RBFOX1: variants seen among roughly 807,000 people sequenced by gnomAD.
RBFOX1 encodes RNA binding fox-1 homolog 1, also known as RNA binding protein fox-1 homolog 1.
Under a neutral mutation model 57.7 loss-of-function variants are expected in RBFOX1, and 8 were observed. That is an observed-to-expected ratio of 0.14 (90% CI 0.08 to 0.25). The LOEUF is 0.25. RBFOX1 is among the 10% of genes least tolerant of loss of function. The pLI is 1.00. For missense variants in RBFOX1, 611 were observed against 548.5 expected (o/e 1.11, Z -1.14); for synonymous variants, 326 against 222.4 (o/e 1.47, Z -4.15).
chr16:6,992,242 C>A (rs945232578), intron 3 of RBFOX1, among the ~76,000 whole-genome samples: 1 of 151,596 alleles, frequency 6.6e-6, no homozygotes, highest in African/African-American at 2.4e-5. Context: ...CGGCTTACTG[C>A]AGCCTCTGCC....
At chr16:5,695,105 C>T (rs532018477) in intron 3 of RBFOX1, among the ~76,000 whole-genome samples, 1 of 152,148 alleles carries the variant, frequency 6.6e-6, no homozygotes, top group East Asian at 1.9e-4. Context: ...GTGTAAATGT[C>T]ACCTGTAGTC....
chr16:5,813,122 C>T (rs928845924), intron 3 of RBFOX1, among the ~76,000 whole-genome samples: 9 of 151,972 alleles, frequency 5.9e-5, no homozygotes, highest in African/African-American at 1.9e-4. Context: ...ATTCTCCTGC[C>T]TCAGCCTCCC....
chr16:5,856,195 A>ATATATATATATATATATACATATATATG (rs2057035426), intron 3 of RBFOX1, among the ~76,000 whole-genome samples: 2 of 60,248 alleles, frequency 3.3e-5, no homozygotes, highest in African/African-American at 1.1e-4. Context: ...CTCTATATAT[A>ATATATATATATATATATACATATATATG]TATATATATA....
intron 2 of RBFOX1, among the ~76,000 whole-genome samples, chr16:6,613,644 C>G (rs757642990): frequency 7.9e-5 from 12 of 152,108 alleles, no homozygotes; most frequent in Non-Finnish European, 1.6e-4. Context: ...GAATAAGCAA[C>G]TTGTAGAGTA....
At chr16:5,834,498 C>G (rs2056385559) in intron 3 of RBFOX1, among the ~76,000 whole-genome samples, 2 of 152,108 alleles carry the variant, frequency 1.3e-5, no homozygotes, top group African/African-American at 4.8e-5. Flanking sequence ...TTTATCCACT[C>G]ATCTGTTGAT....
chr16:7,014,218 T>C (rs1597031477), intron 3 of RBFOX1, among the ~76,000 whole-genome samples: 1 of 151,662 alleles, frequency 6.6e-6, no homozygotes, highest in East Asian at 2.0e-4. Flanking sequence ...CTGAAGGTTT[T>C]GTTTGTTTTT....
At chr16:5,613,478 T>G (rs1288818790) in intron 3 of RBFOX1, among the ~76,000 whole-genome samples, 3 of 152,152 alleles carry the variant, frequency 2.0e-5, no homozygotes, top group Non-Finnish European at 4.4e-5. Context: ...TGATTATGGC[T>G]CCCAGAAGCT....
intron 3 of RBFOX1, among the ~76,000 whole-genome samples, chr16:5,756,276 A>T (rs565556330): frequency 6.7e-6 from 1 of 148,588 alleles, no homozygotes; most frequent in Non-Finnish European, 1.5e-5. Flanking sequence ...CAGTGTATGG[A>T]CATATGAAAT....
chr16:7,561,316 C>T (rs2090301917), intron 5 of RBFOX1, among the ~76,000 whole-genome samples: 1 of 152,212 alleles, frequency 6.6e-6, no homozygotes, highest in African/African-American at 2.4e-5. Flanking sequence ...CAACTATTCA[C>T]TCTATGGCCC....
At chr16:5,723,418 G>C (rs1242455850) in intron 3 of RBFOX1, among the ~76,000 whole-genome samples, 1 of 86,790 alleles carries the variant, frequency 1.2e-5, no homozygotes, top group Non-Finnish European at 2.5e-5. Context: ...TGGGCTGGAT[G>C]GTGTCTGAGG....
chr16:7,453,567 T>G (rs1203966019), intron 4 of RBFOX1, among the ~76,000 whole-genome samples: 1 of 152,156 alleles, frequency 6.6e-6, no homozygotes, highest in African/African-American at 2.4e-5. Flanking sequence ...AGCCAGGAGC[T>G]CTGAGAAAAC....
chr16:6,539,134 AAG>A (rs1567605804), intron 2 of RBFOX1, among the ~76,000 whole-genome samples: 2 of 151,870 alleles, frequency 1.3e-5, no homozygotes, highest in East Asian at 1.9e-4. Flanking sequence ...GAAAAAAAAA[AAG>A]AAAATTTGCC....
At chr16:5,975,979 G>A (rs1269130347) in intron 4 of RBFOX1, among the ~76,000 whole-genome samples, 2 of 151,706 alleles carry the variant, frequency 1.3e-5, no homozygotes, top group East Asian at 1.9e-4. Context: ...CCCCATCTCT[G>A]CTAATAATAC....
Position 5,469,211 on chromosome 16 carries a change from G to A in RBFOX1, c.258+1957G>A, listed in dbSNP as rs553582834. Among the ~76,000 whole-genome samples, 4 of 152,282 alleles carry A rather than the reference G, an allele frequency of 2.6e-5. No individual in the cohort carries two copies. In the South Asian group the frequency reaches 8.3e-4, roughly 32 times the overall value. On this transcript the variant is annotated intron_variant, in intron 2 of 2. Transcript: ENST00000585867. ...TGCCTTCAGGCATTTTGCACTGCTG[G>A]GAGCTTCTCAGAGTCCTCTTTCTTT...
intron 3 of RBFOX1, among the ~76,000 whole-genome samples, chr16:6,710,738 G>C (rs771390312): frequency 6.6e-6 from 1 of 152,206 alleles, no homozygotes; most frequent in East Asian, 1.9e-4. Flanking sequence ...CCATTAGATG[G>C]CAGGAAAATG....
intron 1 of RBFOX1, among the ~76,000 whole-genome samples, chr16:6,268,986 G>C (rs1347274993): frequency 1.3e-5 from 2 of 152,164 alleles, no homozygotes; most frequent in East Asian, 1.9e-4. Context: ...TGTATGCTTT[G>C]TGGGGACATA....
At chr16:7,040,832 G>C (rs899325543) in intron 3 of RBFOX1, among the ~76,000 whole-genome samples, 1 of 152,062 alleles carries the variant, frequency 6.6e-6, no homozygotes, top group African/African-American at 2.4e-5. Context: ...GTCAAAGTTT[G>C]GCAAATTGTG....
intron 1 of RBFOX1, among the ~76,000 whole-genome samples, chr16:6,059,998 TTC>T (rs2095662544): frequency 6.6e-6 from 1 of 152,120 alleles, no homozygotes; most frequent in South Asian, 2.1e-4. Context: ...TTCTCCAACT[TTC>T]TGACATAAAT....
chr16:7,630,278 C>T (rs539987544), intron 10 of RBFOX1, among the ~76,000 whole-genome samples: 1 of 152,158 alleles, frequency 6.6e-6, no homozygotes, highest in Non-Finnish European at 1.5e-5. Context: ...CTAGCTCCCT[C>T]CAATATTTCT....
Sources: allele counts gnomAD v4.1 joint callset (sites outside exome capture counted in the v4.1 genomes callset), GRCh38; gene constraint gnomAD v4.1.1; transcripts MANE v1.5; gene names NCBI Gene and HGNC (gene_info 2026-07-23, HGNC 2026-07-21).